Variants in CCDC88C observed in about 807,000 individuals in gnomAD.
CCDC88C encodes protein Daple.
Under a neutral mutation model 198.8 loss-of-function variants are expected in CCDC88C, and 131 were observed. The ratio of observed to expected loss-of-function variants is 0.66; its 90% CI spans 0.57 to 0.76. The LOEUF is 0.76. CCDC88C is among the 30% of genes least tolerant of loss of function. The pLI is 0.00. For synonymous variants in CCDC88C, 1,166 were observed against 1,114.7 expected (o/e 1.05, Z -0.92); for missense variants, 2,553 against 2,631.6 (o/e 0.97, Z 0.65).
intron 10 of CCDC88C, among the ~76,000 whole-genome samples, chr14:91,333,185 T>C (rs868780951): frequency 6.6e-6 from 1 of 152,272 alleles, no homozygotes; most frequent in Admixed American, 6.5e-5. Flanking sequence ...AGTAATTCAA[T>C]GGAACCTTCT....
intron 22 of CCDC88C, among the ~76,000 whole-genome samples, chr14:91,295,047 G>A (rs1458216933): frequency 1.3e-5 from 2 of 152,200 alleles, no homozygotes; most frequent in Non-Finnish European, 2.9e-5. Flanking sequence ...TATGAGAAAG[G>A]AGGATGGGCT....
intron 3 of CCDC88C, among the ~76,000 whole-genome samples, chr14:91,380,686 T>G (rs1437536328): frequency 2.6e-5 from 4 of 152,140 alleles, no homozygotes; most frequent in African/African-American, 7.2e-5. Flanking sequence ...TGCTCTGAAG[T>G]TGTTTTTTTT....
rs956438923 is a variant in CCDC88C at position 91,402,461 on chromosome 14, G to C, written c.270+6198C>G. Among the ~76,000 whole-genome samples, 39 of 152,208 alleles carry C rather than the reference G, an allele frequency of 2.6e-4. 1 individual carries two copies. Among genetic ancestry groups the C allele is most frequent in the African/African-American group, 8.2e-4 (34 of 41,436 alleles). ...CAGAGGAAGAAGTTACAGGCAGTGT[G>C]CTGCCGTTTATGGAAGTCTCGAAGA... On this transcript the variant is annotated intron_variant, in intron 3 of 29. Transcript: ENST00000389857.
At position 91,313,470 on chromosome 14, in the gene CCDC88C, C is replaced by T. The variant is rs763998078; in HGVS notation, c.2346G>A (p.Thr782=). 7.5e-6 allele frequency: 12 copies of T among 1,607,654 alleles called. No individual in the cohort carries two copies. The African/African-American group carries it at 8.0e-5, about 11-fold the overall frequency. Residue 782 remains threonine, a synonymous_variant, in exon 15 of 30, where the codon ACG becomes ACA. Transcript: ENST00000389857. The surrounding 1 kb of genome is among the most constrained non-coding windows in gnomAD (Gnocchi z 5.2). ...QQSLESSSHK[T]QTLESELGEL... The stretch of plus-strand genomic sequence containing the variant: ...CGCCCAGCTCACTCTCCAAGGTCTG[C>T]GTCTTGTGGCTGCTGCTCTCCAGGC...
At chr14:91,392,749 G>A (rs1213687777) in intron 3 of CCDC88C, among the ~76,000 whole-genome samples, 1 of 149,982 alleles carries the variant, frequency 6.7e-6, no homozygotes, top group African/African-American at 2.5e-5. Flanking sequence ...CTCTCACCAC[G>A]CCCCTCACTC....
chr14:91,278,899 T>A (rs1186356923), intron 28 of CCDC88C, among the ~76,000 whole-genome samples: 1 of 132,648 alleles, frequency 7.5e-6, no homozygotes, highest in African/African-American at 2.9e-5. Context: ...CTTTTTTTTT[T>A]TTTTTTTTTT....
At chr14:91,367,909 C>G (rs1894615070) in intron 3 of CCDC88C, among the ~76,000 whole-genome samples, 1 of 152,118 alleles carries the variant, frequency 6.6e-6, no homozygotes, top group South Asian at 2.1e-4. Flanking sequence ...CAAAGCTCAG[C>G]TAAAACGCCC....
chr14:91,367,520 G>C (rs1894598259), intron 3 of CCDC88C, among the ~76,000 whole-genome samples: 1 of 152,168 alleles, frequency 6.6e-6, no homozygotes, highest in South Asian at 2.1e-4. Context: ...CTTTAGGTCT[G>C]CTCTGGGGTT....
In CCDC88C at chr14:91,294,289, C is replaced by T. The variant is rs1381351720; in HGVS notation, c.3996G>A (p.Glu1332=). ...GGCTCAGGAGGTGATGATTTTCTTC[C>T]TCCAAGTTCCCCTTGAGACGGGAGA... The part of the protein sequence containing the change: ...ELLSRLKGNL[E]EENHHLLSQI... Residue 1332 remains glutamate, a synonymous_variant, in exon 23 of 30, where the codon GAG becomes GAA. Coordinates refer to ENST00000389857, the MANE Select transcript of CCDC88C (RefSeq NM_001080414.4). 6.2e-7 allele frequency: 1 copy of T among 1,614,014 alleles called. No individual in the cohort carries two copies. The highest frequency in any genetic ancestry group is 1.7e-5 in the Admixed American group (1 of 60,020).
At chr14:91,327,284 G>C (rs901893226) in intron 10 of CCDC88C, among the ~76,000 whole-genome samples, 20 of 152,208 alleles carry the variant, frequency 1.3e-4, no homozygotes, top group African/African-American at 4.6e-4. Context: ...AAGACTCCTG[G>C]TGGAGGGGAA....
Position 91,313,013 on chromosome 14 carries a change from C to T in CCDC88C, c.2736+67G>A. The T allele has an allele frequency of 8.2e-7, 1 of 1,222,518 alleles. No homozygotes were observed. The highest frequency in any genetic ancestry group is 1.1e-6 in the Non-Finnish European group (1 of 872,162). 75.7% of individuals were successfully genotyped at this position (1,222,518 alleles called of 1,614,324 possible). Reference sequence around the variant, plus strand: ...CAGAGTCTTATTTCTCTCCTGAAACCATGCACCACAGAACCCACTACCACC... The same window carrying T: ...CAGAGTCTTATTTCTCTCCTGAAACTATGCACCACAGAACCCACTACCACC... On this transcript the variant is annotated intron_variant, in intron 15 of 29. Coordinates refer to ENST00000389857, the MANE Select transcript of CCDC88C (RefSeq NM_001080414.4). This position sits in a 1 kb window ranked among gnomAD's most constrained non-coding sequence, Gnocchi z 5.2.
At chr14:91,293,105 C>A (rs1245074264) in intron 23 of CCDC88C, among the ~76,000 whole-genome samples, 1 of 121,934 alleles carries the variant, frequency 8.2e-6, no homozygotes, top group Admixed American at 8.1e-5. Flanking sequence ...CCTGCCACGG[C>A]CCACCTTCCC....
intron 4 of CCDC88C, among the ~76,000 whole-genome samples, chr14:91,344,516 T>C (rs1194969729): frequency 7.0e-6 from 1 of 141,966 alleles, no homozygotes; most frequent in East Asian, 2.0e-4. Context: ...AAAGCCATCC[T>C]TTTTTTTTTT....
intron 21 of CCDC88C, 90 bp downstream of exon 21, chr14:91,299,837 G>C: frequency 7.1e-7 from 1 of 1,405,680 alleles, no homozygotes; most frequent in African/African-American, 1.4e-5. Flanking sequence ...GATCGCCAGG[G>C]GACTTGAACT....
intron 3 of CCDC88C, among the ~76,000 whole-genome samples, chr14:91,375,279 G>A (rs1385539485): frequency 6.6e-6 from 1 of 152,118 alleles, no homozygotes; most frequent in Non-Finnish European, 1.5e-5. Context: ...GTGTGCGCGC[G>A]CGCATGTGGG....
At chr14:91,356,473 G>A (rs535324019) in intron 4 of CCDC88C, among the ~76,000 whole-genome samples, 2 of 152,270 alleles carry the variant, frequency 1.3e-5, no homozygotes, top group Admixed American at 6.5e-5. Context: ...TCCACCTTCA[G>A]AGCTGGGACC....
chr14:91,398,132 A>C (rs1043670301), intron 3 of CCDC88C, among the ~76,000 whole-genome samples: 2 of 152,176 alleles, frequency 1.3e-5, no homozygotes, highest in African/African-American at 4.8e-5. Context: ...CAGCCTTTTG[A>C]TTTGGGCACA....
chr14:91,347,591 C>T (rs1893601456), intron 4 of CCDC88C, among the ~76,000 whole-genome samples: 2 of 152,216 alleles, frequency 1.3e-5, no homozygotes, highest in South Asian at 2.1e-4. Context: ...AAATGCTCAC[C>T]ATCACTGGCC....
At chr14:91,303,145 G>C (rs1299205088) in intron 20 of CCDC88C, among the ~76,000 whole-genome samples, 1 of 152,134 alleles carries the variant, frequency 6.6e-6, no homozygotes, top group Non-Finnish European at 1.5e-5. Flanking sequence ...CGCGCAGCCT[G>C]ACAGACTCCC....
Sources: gnomAD v4.1 joint callset for allele counts (sites outside exome capture counted in the v4.1 genomes callset) on GRCh38, gnomAD v4.1.1 for gene constraint, Gnocchi (gnomAD v3.1) non-coding constraint, MANE v1.5 for transcripts, NCBI Gene and HGNC (gene_info 2026-07-23, HGNC 2026-07-21) for gene names.